Variants in STC1 observed in about 807,000 individuals in gnomAD.
The protein encoded by STC1 is stanniocalcin 1, also known as stanniocalcin-1.
STC1 carries 7 observed loss-of-function variants against 22.6 expected under a neutral mutation model. The ratio of observed to expected loss-of-function variants is 0.31; its 90% confidence interval spans 0.18 to 0.58. The LOEUF (loss-of-function observed/expected upper bound fraction) is 0.58. Among genes scored for constraint, STC1 ranks in the 20% least tolerant of loss-of-function variants. The probability of loss-of-function intolerance (pLI) is 0.89; values close to 1 mark genes in which losing one functional copy is unlikely to be tolerated. For synonymous variants in STC1, 113 were observed against 120.7 expected, an observed-to-expected ratio of 0.94 and a Z score of 0.42; for missense variants, 224 against 311.0, an observed-to-expected ratio of 0.72 and a Z score of 2.10.
At chr8:23,853,404 A>G (rs759585838) in intron 1 of STC1, among the ~76,000 whole-genome samples, 18 of 152,196 alleles carry the variant, frequency 1.2e-4, no homozygotes, top group Admixed American at 2.6e-4. Flanking sequence ...TTTAATATGC[A>G]TTAGGGCTGC....
intron 2 of STC1, among the ~76,000 whole-genome samples, chr8:23,851,926 C>T (rs915402858): frequency 6.6e-6 from 1 of 152,132 alleles, no homozygotes; most frequent in Admixed American, 6.5e-5. Context: ...TGTCCTCTTA[C>T]AGAGGAAAAT....
rs1392447214 is a variant in STC1, at chr8:23,844,775, C to T, written c.739G>A (p.Ala247Thr). 1 of 1,613,400 alleles carries T rather than the reference C, an allele frequency of 6.2e-7. No homozygotes were observed. Among genetic ancestry groups the T allele is most frequent in the Non-Finnish European group, 8.5e-7 (1 of 1,179,520 alleles). Residue 247 changes from alanine to threonine, a missense_variant, in exon 4 of 4, where the codon GCA becomes ACA. By Grantham distance (58) the Ala-to-Thr change is moderately conservative. Transcript: ENST00000290271. ...TGTGAATAACCTCTCCCTGGTTATGCACTCTCATGGGATGTGCGTTTGATG... is the reference window on the plus strand; with the variant it reads ...TGTGAATAACCTCTCCCTGGTTATGTACTCTCATGGGATGTGCGTTTGATG... ...SHIKRTSHES[A>T]
chr8:23,854,193 C>A (rs919430313), intron 1 of STC1: 14 of 1,161,762 alleles, frequency 1.2e-5, no homozygotes, highest in Non-Finnish European at 1.6e-5. Context: ...ATACCCTCAG[C>A]AGAGCGTCCA....
Position 23,854,362 on chromosome 8 carries a change from G to T in STC1, c.118+44C>A, listed in dbSNP as rs1802673373. 4 of 1,540,560 alleles carry T rather than the reference G, an allele frequency of 2.6e-6. No individual in the cohort carries two copies. The East Asian group carries it at 6.7e-5, about 26-fold the overall frequency. On this transcript the variant is annotated intron_variant, in intron 1 of 3. Coordinates refer to ENST00000290271, the MANE Select transcript of STC1 (RefSeq NM_003155.3). ...GTTGCAAAAGGGAGAGGCAAATGAG[G>T]ACAGCTCTTTGGGGGAGAAACCGCT... is the stretch of plus-strand genomic sequence containing the variant.
intron 1 of STC1, among the ~76,000 whole-genome samples, chr8:23,853,104 A>G (rs115884933): frequency 0.016 from 2,365 of 152,324 alleles, 64 homozygotes; most frequent in African/African-American, 0.053. Context: ...AGGCCTCCCT[A>G]TGCAAGACTG....
At position 23,852,316 on chromosome 8, in the gene STC1, A is replaced by G; in HGVS notation, c.187T>C (p.Ser63Pro). 2.5e-6 allele frequency: 4 copies of G among 1,614,080 alleles called. No homozygotes were observed. Among genetic ancestry groups the G allele is most frequent in the Non-Finnish European group, 3.4e-6 (4 of 1,180,004 alleles). Residue 63 changes from serine to proline, a missense_variant, in exon 2 of 4, where the codon TCC becomes CCC. Physicochemically the swap from Ser to Pro is moderately conservative, Grantham distance 74. Coordinates refer to ENST00000290271, the MANE Select transcript of STC1 (RefSeq NM_003155.3). ...TACATCCCATCTGTGTCACAGGTGG[A>G]GTTTTCCAGGCATGCAAAAGCCCCG... ...GCGAFACLEN[S>P]TCDTDGMYDI...
chr8:23,852,436 G>A (rs372525647), intron 1 of STC1, 52 bp from the exon 2 acceptor site: 65 of 1,533,002 alleles, frequency 4.2e-5, no homozygotes, highest in African/African-American at 2.2e-4. Context: ...GAATGGCTGG[G>A]TGGGATCAAG....
At position 23,844,669 on chromosome 8, in the gene STC1, A is replaced by G; in HGVS notation, c.*101T>C. On this transcript the variant is annotated 3_prime_UTR_variant, in exon 4 of 4. Coordinates refer to ENST00000290271, the MANE Select transcript of STC1 (RefSeq NM_003155.3). ...TTAAGGGGGATAGAAAATAGGAACTACTTTAAAAAAATCAAACCAGGCACA... is the reference window on the plus strand; with the variant it reads ...TTAAGGGGGATAGAAAATAGGAACTGCTTTAAAAAAATCAAACCAGGCACA... The G allele has an allele frequency of 7.3e-7, 1 of 1,369,682 alleles. No individual in the cohort carries two copies. The highest frequency in any genetic ancestry group is 9.9e-7 in the Non-Finnish European group (1 of 1,009,708). The allele number at this position is 1,369,682 out of a possible 1,614,324, so 84.8% of individuals were successfully genotyped here.
Position 23,844,462 on chromosome 8 carries a change from T to G in STC1, c.*308A>C. On this transcript the variant is annotated 3_prime_UTR_variant, in exon 4 of 4. Coordinates refer to ENST00000290271, the MANE Select transcript of STC1 (RefSeq NM_003155.3). ...TACAATGGCTGGAGAGTTACATGAA[T>G]GTTTTGTGTTTGGGGGTGGTCTCAG... 2.6e-6 allele frequency: 1 copy of G among 384,608 alleles called. No individual in the cohort carries two copies. Among genetic ancestry groups the G allele is most frequent in the Non-Finnish European group, 4.8e-6 (1 of 208,710 alleles). The allele number at this position is 384,608 out of a possible 1,614,324, so 23.8% of individuals were successfully genotyped here.
In STC1 at chr8:23,854,703, TCCGCTGCTGCTGCTGCTGCCG is replaced by T. The variant is rs1369490984; in HGVS notation, c.-201_-181del. The T allele has an allele frequency of 5.5e-4, 386 of 701,162 alleles. No homozygotes were observed. Among genetic ancestry groups the T allele is most frequent in the African/African-American group, 1.1e-3 (60 of 56,420 alleles). 43.4% of individuals were successfully genotyped at this position (701,162 alleles called of 1,614,324 possible). On this transcript the variant is annotated 5_prime_UTR_variant, in exon 1 of 4. Transcript: ENST00000290271. ...TGATGCTGCTGCTGCCACCGGTGCCTCCGCTGCTGCTGCTGCTGCCGCCGCTGCTGCTGCTGCTGCCACCGC... is the reference window on the plus strand; with the variant it reads ...TGATGCTGCTGCTGCCACCGGTGCCTCCGCTGCTGCTGCTGCTGCCACCGC...
intron 3 of STC1, among the ~76,000 whole-genome samples, chr8:23,849,300 C>T (rs890956641): frequency 2.0e-5 from 3 of 152,218 alleles, no homozygotes; most frequent in South Asian, 2.1e-4. Flanking sequence ...GCAAGCCCAG[C>T]ATGGAACCGG....
Position 23,854,757 on chromosome 8 carries a change from G to A in STC1, c.-234C>T. 1.6e-6 allele frequency: 1 copy of A among 624,252 alleles called. No homozygotes were observed. Among genetic ancestry groups the A allele is most frequent in the Non-Finnish European group, 3.0e-6 (1 of 335,784 alleles). The allele number at this position is 624,252 out of a possible 1,614,324, so 38.7% of individuals were successfully genotyped here. A position where few individuals can be genotyped will look rare whatever the true frequency, so the allele number is the denominator to read the frequency against. ...TGCTGCTGCTGCCACCGCCGCTGCT[G>A]CTGCTGCTGCTGCAGTCGCTGCTTC... is the stretch of plus-strand genomic sequence containing the variant. On this transcript the variant is annotated 5_prime_UTR_variant, in exon 1 of 4. Transcript: ENST00000290271.
rs763381008 is a variant in STC1 at position 23,852,226 on chromosome 8, G to A, written c.261+16C>T. The A allele has an allele frequency of 1.9e-6, 3 of 1,613,954 alleles. No homozygotes were observed. The highest frequency in any genetic ancestry group is 1.7e-5 in the Admixed American group (1 of 60,010). On this transcript the variant is annotated intron_variant, in intron 2 of 3. Transcript: ENST00000290271. Reference sequence around the variant, plus strand: ...AGACAAGCAGCCAGTGGGAGCAGGGGTCAAGGTTTTATTACCTGAGTGTCA... The same window carrying A: ...AGACAAGCAGCCAGTGGGAGCAGGGATCAAGGTTTTATTACCTGAGTGTCA...
intron 2 of STC1, 94 bp from the exon 3 acceptor site, chr8:23,851,625 G>T: frequency 9.3e-7 from 1 of 1,080,918 alleles, no homozygotes; most frequent in Non-Finnish European, 1.4e-6. Flanking sequence ...GCTCATCTGG[G>T]CAACGTATCA....
Position 23,852,339 on chromosome 8 carries a change from C to G in STC1, c.164G>C (p.Gly55Ala). The G allele has an allele frequency of 6.2e-7, 1 of 1,613,320 alleles. No homozygotes were observed. The highest frequency in any genetic ancestry group is 1.1e-5 in the South Asian group (1 of 90,926). Reference protein sequence around the residue: ...CLNSALQVGCGAFACLENSTC... With the variant: ...CLNSALQVGCAAFACLENSTC... ...GGAGTTTTCCAGGCATGCAAAAGCCCCGCAGCCGACCTGTAGAGCACTGTT... is the reference window on the plus strand; with the variant it reads ...GGAGTTTTCCAGGCATGCAAAAGCCGCGCAGCCGACCTGTAGAGCACTGTT... Residue 55 changes from glycine (G) to alanine (A), a missense_variant, in exon 2 of 4, where the codon GGG becomes GCG. By Grantham distance (60) the Gly-to-Ala change is moderately conservative (BLOSUM62 0). Transcript: ENST00000290271.
chr8:23,845,110 G>A (rs527390007), intron 3 of STC1, 70 bp from the exon 4 acceptor site: 63 of 1,542,070 alleles, frequency 4.1e-5, no homozygotes, highest in Middle Eastern at 4.2e-4. Flanking sequence ...GCTTTCACCC[G>A]GGCTCTAGCC....
In STC1 at chr8:23,851,382, G is replaced by A. The variant is rs746058137; in HGVS notation, c.411C>T (p.Ile137=). The change falls in exon 3 of 4, where the codon ATC becomes ATT. Residue 137 remains isoleucine (I), a synonymous_variant. Transcript: ENST00000290271. ...TGATGGCTTCAGGGTTCCGCTTGGC[G>A]ATGCTGCACACATTCAGCTTGCTGT... ...ECYSKLNVCS[I]AKRNPEAITE... is the part of the protein sequence containing the mutation. 3.1e-5 allele frequency: 50 copies of A among 1,614,008 alleles called. No homozygotes were observed. The highest frequency in any genetic ancestry group is 5.3e-5 in the African/African-American group (4 of 74,894).
chr8:23,852,420 A>G (rs765279615), intron 1 of STC1, 36 bp from the exon 2 acceptor site: 4 of 1,557,284 alleles, frequency 2.6e-6, no homozygotes, highest in Non-Finnish European at 1.7e-6. Flanking sequence ...TGGGTCAAAC[A>G]GTGAGGAATG....
In STC1 at chr8:23,854,705, C is replaced by A; in HGVS notation, c.-182G>T. ...ATGCTGCTGCTGCCACCGGTGCCTC[C>A]GCTGCTGCTGCTGCTGCCGCCGCTG... On this transcript the variant is annotated 5_prime_UTR_variant, in exon 1 of 4. Transcript: ENST00000290271. 2 of 694,018 alleles carry A rather than the reference C, an allele frequency of 2.9e-6. No homozygotes were observed. The highest frequency in any genetic ancestry group is 5.3e-6 in the Non-Finnish European group (2 of 380,756). 43.0% of individuals were successfully genotyped at this position (694,018 alleles called of 1,614,324 possible). A position where few individuals can be genotyped will look rare whatever the true frequency, so the allele number is the denominator to read the frequency against.
Sources: allele counts gnomAD v4.1 joint callset (sites outside exome capture counted in the v4.1 genomes callset), GRCh38; gene constraint gnomAD v4.1.1; transcripts MANE v1.5; gene names NCBI Gene and HGNC (gene_info 2026-07-23, HGNC 2026-07-21).